PSD3: variants seen among roughly 807,000 people sequenced by gnomAD.
PSD3 encodes the protein PH and SEC7 domain-containing protein 3.
PSD3 carries 49 observed loss-of-function variants against 105.5 expected under a neutral mutation model. The observed-to-expected ratio is 0.46, with a 90% CI of 0.37 to 0.59. The LOEUF (loss-of-function observed/expected upper bound fraction) is 0.59, where lower values mean the gene tolerates loss of function less well. PSD3 is among the 20% of genes least tolerant of loss of function. PSD3 has a pLI of 0.00. For synonymous variants in PSD3, 557 were observed against 457.8 expected, an observed-to-expected ratio of 1.22 and a Z score of -2.77; for missense variants, 1,561 against 1,263.8, an observed-to-expected ratio of 1.24 and a Z score of -3.57.
In PSD3 at chr8:18,653,151, C is replaced by T. The variant is rs189590646; in HGVS notation, c.2216+2491G>A. The stretch of plus-strand genomic sequence containing the variant: ...TCTGCTTGATAGAGCAGTACTTCTT[C>T]CACAGGAGGAAACACTGAAATATGG... On this transcript the variant is annotated intron_variant, in intron 10 of 15. Coordinates refer to ENST00000327040, the MANE Select transcript of PSD3 (RefSeq NM_015310.4). Among the ~76,000 whole-genome samples, 457 of 152,144 alleles carry T rather than the reference C, an allele frequency of 3.0e-3. 3 individuals carry two copies. The highest frequency in any genetic ancestry group is 7.4e-3 in the Admixed American group (113 of 15,282).
At chr8:18,933,759 C>T (rs1021958252) in intron 2 of PSD3, among the ~76,000 whole-genome samples, 11 of 152,278 alleles carry the variant, frequency 7.2e-5, no homozygotes, top group Admixed American at 4.6e-4. Flanking sequence ...TGAGCAACTA[C>T]GCCAGGCCAA....
chr8:18,644,672 G>A (rs1167155238), intron 10 of PSD3, among the ~76,000 whole-genome samples: 1 of 152,144 alleles, frequency 6.6e-6, no homozygotes, highest in Non-Finnish European at 1.5e-5. Flanking sequence ...GTTTGCAGCA[G>A]TCTAGGCTTT....
intron 4 of PSD3, among the ~76,000 whole-genome samples, chr8:18,844,150 C>G (rs1159165231): frequency 2.0e-5 from 3 of 151,492 alleles, no homozygotes; most frequent in African/African-American, 7.3e-5. Context: ...CATAAATTAC[C>G]TATAATTATC....
At chr8:18,991,157 T>C (rs1307874590) in intron 1 of PSD3, among the ~76,000 whole-genome samples, 4 of 152,096 alleles carry the variant, frequency 2.6e-5, no homozygotes, top group African/African-American at 9.7e-5. Flanking sequence ...CGCGTGGAGA[T>C]TAGCAAGTCA....
chr8:18,859,640 T>A (rs1816283663), intron 4 of PSD3, among the ~76,000 whole-genome samples: 1 of 152,248 alleles, frequency 6.6e-6, no homozygotes, highest in Non-Finnish European at 1.5e-5. Flanking sequence ...AGCTTCTACA[T>A]CAGCACTTGC....
intron 4 of PSD3, among the ~76,000 whole-genome samples, chr8:18,840,503 G>A (rs956640716): frequency 6.6e-6 from 1 of 152,204 alleles, no homozygotes. Context: ...TAGTTAGTGT[G>A]TACTAAGCAC....
intron 15 of PSD3, among the ~76,000 whole-genome samples, chr8:18,549,978 T>C (rs960176572): frequency 5.3e-5 from 8 of 152,246 alleles, no homozygotes; most frequent in African/African-American, 1.9e-4. Context: ...GATAAGGTCA[T>C]GCCAAATACA....
chr8:18,628,528 T>G (rs984015138), intron 11 of PSD3, among the ~76,000 whole-genome samples: 40 of 151,876 alleles, frequency 2.6e-4, no homozygotes, highest in African/African-American at 9.4e-4. Context: ...AAAGATATTT[T>G]CACACTGATA....
intron 1 of PSD3, among the ~76,000 whole-genome samples, chr8:19,034,636 C>A (rs1288218410): frequency 6.6e-6 from 1 of 152,138 alleles, no homozygotes; most frequent in African/African-American, 2.4e-5. Flanking sequence ...CCCAGATGAC[C>A]CCCTGCAACA....
At chr8:18,833,008 G>C (rs935142135) in intron 4 of PSD3, among the ~76,000 whole-genome samples, 3 of 152,094 alleles carry the variant, frequency 2.0e-5, no homozygotes, top group Admixed American at 6.6e-5. Context: ...GGCAGTTTGA[G>C]GTTATAATTG....
chr8:18,982,435 T>A lies in PSD3; in HGVS notation c.21+31128A>T, dbSNP rs537212904. Among the ~76,000 whole-genome samples, 24 of 152,364 alleles carry A rather than the reference T, an allele frequency of 1.6e-4. 1 individual carries two copies. Among genetic ancestry groups the A allele is most frequent in the African/African-American group, 5.8e-4 (24 of 41,586 alleles). On this transcript the variant is annotated intron_variant, in intron 1 of 15. Transcript: ENST00000327040. ...TGAATCACAAATGTTCTTAATGGCA[T>A]CTAGAATGGTGAATTCTTTTCAGAA...
In PSD3 at chr8:18,753,095, G is replaced by A. The variant is rs562344835; in HGVS notation, c.2172+12354C>T. Among the ~76,000 whole-genome samples, 71 of 152,092 alleles carry A rather than the reference G, an allele frequency of 4.7e-4. 1 individual carries two copies. The highest frequency in any genetic ancestry group is 7.4e-4 in the Non-Finnish European group (50 of 67,990). On this transcript the variant is annotated intron_variant, in intron 9 of 15. Coordinates refer to ENST00000327040, the MANE Select transcript of PSD3 (RefSeq NM_015310.4). ...GGTGATGATGAGCATGGTGGTTCACGCCTGTAATCCCAGCACTCTGGGAAG... is the reference window on the plus strand; with the variant it reads ...GGTGATGATGAGCATGGTGGTTCACACCTGTAATCCCAGCACTCTGGGAAG...
At chr8:18,728,545 G>A (rs1803497275) in intron 9 of PSD3, among the ~76,000 whole-genome samples, 1 of 152,168 alleles carries the variant, frequency 6.6e-6, no homozygotes, top group Admixed American at 6.5e-5. Context: ...AGGCAAGACA[G>A]AGTGTTTAGG....
intron 8 of PSD3, among the ~76,000 whole-genome samples, chr8:18,781,731 A>G (rs1223778181): frequency 3.3e-5 from 5 of 152,194 alleles, no homozygotes; most frequent in Admixed American, 6.5e-5. Flanking sequence ...TCCTATATCT[A>G]GATGTCTGTA....
intron 9 of PSD3, among the ~76,000 whole-genome samples, chr8:18,752,502 A>T (rs28689511): frequency 2.0e-3 from 9 of 4,564 alleles, no homozygotes; most frequent in African/African-American, 2.4e-3. Flanking sequence ...AATATATATA[A>T]TATATATAAT....
chr8:18,824,387 C>A lies in PSD3; in HGVS notation c.1635-19489G>T, dbSNP rs1052432349. Among the ~76,000 whole-genome samples, 50 of 152,274 alleles carry A rather than the reference C, an allele frequency of 3.3e-4. 1 individual carries two copies. Among genetic ancestry groups the A allele is most frequent in the Middle Eastern group, 6.8e-3 (2 of 294 alleles). ...TGATAAATTTGGAGGCTCAAGCCGA[C>A]CAAAGTTCAGGTCTCAGCTCTAAAT... On this transcript the variant is annotated intron_variant, in intron 4 of 15. Coordinates refer to ENST00000327040, the MANE Select transcript of PSD3 (RefSeq NM_015310.4).
chr8:18,820,130 G>C (rs1048994709), intron 4 of PSD3, among the ~76,000 whole-genome samples: 5 of 150,174 alleles, frequency 3.3e-5, no homozygotes, highest in African/African-American at 1.2e-4. Flanking sequence ...GAAACTCCAA[G>C]AGAAAGCACT....
chr8:18,949,244 A>AAAAAAATATATATAT (rs1345423514), intron 1 of PSD3, among the ~76,000 whole-genome samples: 2 of 14,408 alleles, frequency 1.4e-4, no homozygotes, highest in Non-Finnish European at 3.6e-4. Context: ...AAAAAAAAAA[A>AAAAAAATATATATAT]ATATATATAT....
intron 1 of PSD3, among the ~76,000 whole-genome samples, chr8:19,051,941 C>T (rs888570093): frequency 4.6e-5 from 7 of 152,180 alleles, no homozygotes; most frequent in Non-Finnish European, 7.3e-5. Flanking sequence ...AAAATATCTT[C>T]CACTGATACT....
Sources: gnomAD v4.1 joint callset for allele counts (sites outside exome capture counted in the v4.1 genomes callset) on GRCh38, gnomAD v4.1.1 for gene constraint, MANE v1.5 for transcripts, NCBI Gene and HGNC (gene_info 2026-07-23, HGNC 2026-07-21) for gene names.